MKLN1: variants seen among roughly 807,000 people sequenced by gnomAD.
MKLN1 encodes the protein muskelin 1, also known as muskelin.
In MKLN1, 18 loss-of-function variants were observed where a neutral mutation model predicts 99.0. That is an observed-to-expected ratio of 0.18 (90% CI 0.13 to 0.27). The LOEUF (loss-of-function observed/expected upper bound fraction) is 0.27, where lower values mean the gene tolerates loss of function less well. MKLN1 is among the 10% of genes least tolerant of loss of function. MKLN1 has a pLI of 1.00. For missense variants in MKLN1, 621 were observed against 875.9 expected (o/e 0.71, Z 3.67); for synonymous variants, 288 against 293.2 (o/e 0.98, Z 0.18).
intron 12 of MKLN1, among the ~76,000 whole-genome samples, chr7:131,458,189 G>A (rs1415588322): frequency 1.3e-5 from 2 of 152,152 alleles, no homozygotes; most frequent in African/African-American, 2.4e-5. Flanking sequence ...GAGAAAAAAC[G>A]ATAAAGTTTA....
chr7:131,262,179 T>G (rs1375199313), intron 3 of MKLN1, among the ~76,000 whole-genome samples: 1 of 152,196 alleles, frequency 6.6e-6, no homozygotes, highest in East Asian at 1.9e-4. Flanking sequence ...CTCACGCCTG[T>G]AATCCCAGCA....
At chr7:131,308,742 C>T (rs560059686) in intron 3 of MKLN1, among the ~76,000 whole-genome samples, 15 of 152,160 alleles carry the variant, frequency 9.9e-5, no homozygotes, top group Admixed American at 3.3e-4. Flanking sequence ...TGTGCCACCA[C>T]GCCTGGCTAA....
intron 3 of MKLN1, among the ~76,000 whole-genome samples, chr7:131,304,687 T>C (rs77767594): frequency 1.4e-4 from 22 of 152,326 alleles, no homozygotes; most frequent in African/African-American, 4.1e-4. Flanking sequence ...AAAACCCTTA[T>C]AGGACCTATC....
intron 8 of MKLN1, among the ~76,000 whole-genome samples, chr7:131,418,458 T>C (rs1004234619): frequency 2.0e-5 from 3 of 151,924 alleles, no homozygotes; most frequent in Admixed American, 2.0e-4. Flanking sequence ...AGAATTGTCT[T>C]GGACCACACA....
At chr7:131,426,215 T>A (rs560280433) in intron 8 of MKLN1, among the ~76,000 whole-genome samples, 1 of 152,306 alleles carries the variant, frequency 6.6e-6, no homozygotes, top group East Asian at 1.9e-4. Context: ...AGAGACCTGC[T>A]TTTCAGAAAG....
intron 12 of MKLN1, among the ~76,000 whole-genome samples, chr7:131,461,451 T>C (rs1312650573): frequency 6.6e-6 from 1 of 151,968 alleles, no homozygotes; most frequent in African/African-American, 2.4e-5. Context: ...ATACAAATTG[T>C]ATGGTGTGTG....
intron 1 of MKLN1, among the ~76,000 whole-genome samples, chr7:131,363,837 T>C (rs572407443): frequency 1.3e-5 from 2 of 152,058 alleles, no homozygotes; most frequent in South Asian, 4.1e-4. Flanking sequence ...GTAATTACCA[T>C]GTTTACAATT....
chr7:131,157,674 G>A (rs1795989266), intron 2 of MKLN1, among the ~76,000 whole-genome samples: 1 of 151,852 alleles, frequency 6.6e-6, no homozygotes, highest in African/African-American at 2.4e-5. Context: ...CTTTTTTCAT[G>A]CAAAAGCTCC....
chr7:131,176,890 CA>C (rs1796307217), intron 2 of MKLN1, among the ~76,000 whole-genome samples: 1 of 152,164 alleles, frequency 6.6e-6, no homozygotes, highest in African/African-American at 2.4e-5. Context: ...ATGGCTTCTA[CA>C]TAGAGCTAGT....
chr7:131,450,036 G>A (rs530934324), intron 12 of MKLN1, among the ~76,000 whole-genome samples: 199 of 152,038 alleles, frequency 1.3e-3, no homozygotes, highest in Non-Finnish European at 2.4e-3. Context: ...CACTAATCTA[G>A]CCAGTTAACA....
intron 3 of MKLN1, among the ~76,000 whole-genome samples, chr7:131,315,539 G>C (rs1157604746): frequency 6.6e-6 from 1 of 152,168 alleles, no homozygotes; most frequent in Non-Finnish European, 1.5e-5. Context: ...TGGAACCCCA[G>C]TGAGACAGAA....
At chr7:131,381,002 T>C (rs1295049014) in intron 2 of MKLN1, among the ~76,000 whole-genome samples, 5 of 152,252 alleles carry the variant, frequency 3.3e-5, no homozygotes, top group Non-Finnish European at 7.4e-5. Context: ...TTTCATCAGC[T>C]AATCAATGTA....
intron 7 of MKLN1, among the ~76,000 whole-genome samples, chr7:131,411,905 T>TAAAAA (rs1563335038): frequency 5.2e-5 from 1 of 19,100 alleles, no homozygotes; most frequent in Admixed American, 9.4e-4. Flanking sequence ...AGATTCCATC[T>TAAAAA]CAAAAAAAAA....
rs1468861692 is a variant in MKLN1, at chr7:131,437,777, C to G, written c.961-8C>G. 7.5e-6 allele frequency: 12 copies of G among 1,590,902 alleles called. No individual in the cohort carries two copies. In the East Asian group the frequency reaches 2.7e-4, roughly 36 times the overall value. ...GTTTATTTATTTATTTTCTCTCTCT[C>G]TCTACAGAATGGTCCTAGTGCCAGA... On this transcript the variant is annotated splice_polypyrimidine_tract_variant and splice_region_variant and intron_variant, in intron 9 of 17. Transcript: ENST00000352689.
intron 1 of MKLN1, among the ~76,000 whole-genome samples, chr7:131,345,708 T>C (rs1799539960): frequency 6.6e-6 from 1 of 151,958 alleles, no homozygotes. Context: ...AACGAGACTG[T>C]GTCTCAAAAA....
intron 4 of MKLN1, among the ~76,000 whole-genome samples, chr7:131,395,646 T>G (rs1200026610): frequency 6.6e-6 from 1 of 151,680 alleles, no homozygotes; most frequent in Non-Finnish European, 1.5e-5. Flanking sequence ...GTTGCTATTA[T>G]TAAAAGGCTA....
At chr7:131,402,276 T>G (rs144567045) in intron 6 of MKLN1, among the ~76,000 whole-genome samples, 1 of 152,208 alleles carries the variant, frequency 6.6e-6, no homozygotes, top group Non-Finnish European at 1.5e-5. Context: ...AGAAGCAATT[T>G]CTCATCCATT....
intron 13 of MKLN1, 101 bp downstream of exon 13, chr7:131,463,465 G>A (rs1796575422): frequency 8.2e-7 from 1 of 1,218,756 alleles, no homozygotes; most frequent in South Asian, 1.3e-5. Flanking sequence ...GTTAATTTGT[G>A]ACATTGTATA....
At chr7:131,461,254 C>T (rs1360379958) in intron 12 of MKLN1, among the ~76,000 whole-genome samples, 1 of 102,536 alleles carries the variant, frequency 9.8e-6, no homozygotes, top group Admixed American at 8.8e-5. Context: ...TTTTTGTTTG[C>T]GGTTTTTTTT....
Sources: allele counts gnomAD v4.1 joint callset (sites outside exome capture counted in the v4.1 genomes callset), GRCh38; gene constraint gnomAD v4.1.1; transcripts MANE v1.5; gene names NCBI Gene and HGNC (gene_info 2026-07-23, HGNC 2026-07-21).